SDF4: variants seen among roughly 807,000 people sequenced by gnomAD.
The protein encoded by SDF4 is 45 kDa calcium-binding protein.
In SDF4, 22 loss-of-function variants were observed where a neutral mutation model predicts 34.2. That is an observed-to-expected ratio of 0.64 (90% CI 0.46 to 0.92). The LOEUF (loss-of-function observed/expected upper bound fraction) is 0.92. Among genes scored for constraint, SDF4 ranks in the 40% least tolerant of loss-of-function variants. The pLI is 0.00. For missense variants in SDF4, 447 were observed against 499.9 expected (o/e 0.89, Z 1.01); for synonymous variants, 236 against 203.1 (o/e 1.16, Z -1.38).
rs776109419 is a variant in SDF4, at chr1:1,218,998, G to A, written c.557-71C>T. Reference sequence around the variant, plus strand: ...CACGCAAATCCAGAAAGTTCCGAGAGGTGCTGCCTGAACTCGAGGGACACA... The same window carrying A: ...CACGCAAATCCAGAAAGTTCCGAGAAGTGCTGCCTGAACTCGAGGGACACA... On this transcript the variant is annotated intron_variant, in intron 4 of 6. Coordinates refer to ENST00000360001, the MANE Select transcript of SDF4 (RefSeq NM_016176.6). This position sits in a 1 kb window ranked among gnomAD's most constrained non-coding sequence, Gnocchi z 7.9. 1.2e-6 allele frequency: 2 copies of A among 1,612,076 alleles called. No individual in the cohort carries two copies. The highest frequency in any genetic ancestry group is 3.3e-5 in the Admixed American group (2 of 59,962).
intron 2 of SDF4, 66 bp downstream of exon 2, chr1:1,228,402 A>G: frequency 6.7e-7 from 1 of 1,487,692 alleles, no homozygotes; most frequent in Non-Finnish European, 9.0e-7. Context: ...GCGCAAAGCC[A>G]GGATAGGAAC....
chr1:1,218,600 T>A lies in SDF4; in HGVS notation c.749A>T (p.Glu250Val). The A allele has an allele frequency of 6.2e-7, 1 of 1,613,974 alleles. No individual in the cohort carries two copies. Among genetic ancestry groups the A allele is most frequent in the Non-Finnish European group, 8.5e-7 (1 of 1,179,940 alleles). Residue 250 changes from glutamate to valine, a missense_variant, in exon 6 of 7, where the codon GAG (glutamate) becomes GTG (valine). Glu to Val is a moderately radical substitution (Grantham distance 121). Coordinates refer to ENST00000360001, the MANE Select transcript of SDF4 (RefSeq NM_016176.6). This position sits in a 1 kb window ranked among gnomAD's most constrained non-coding sequence, Gnocchi z 7.9. Reference sequence around the variant, plus strand: ...GGTGCCCACGGGCAGGGAGATGAACTCGGGCACAGAGAGCTGCTTGTCACC... The same window carrying A: ...GGTGCCCACGGGCAGGGAGATGAACACGGGCACAGAGAGCTGCTTGTCACC... ...QDGDKQLSVP[E>V]FISLPVGTVE...
In SDF4 at chr1:1,218,233, G is replaced by A. The variant is rs138109062; in HGVS notation, c.891+225C>T. On this transcript the variant is annotated intron_variant, in intron 6 of 6. Coordinates refer to ENST00000360001, the MANE Select transcript of SDF4 (RefSeq NM_016176.6). This position sits in a 1 kb window ranked among gnomAD's most constrained non-coding sequence, Gnocchi z 7.9. The stretch of plus-strand genomic sequence containing the variant: ...GACGCCTCCGCAAGGGGCTGAGGAT[G>A]GAGCCCGGCCAGGCTCGCCTGTCTC... Among the ~76,000 whole-genome samples the A allele has an allele frequency of 2.6e-4, 39 of 152,342 alleles. No homozygotes were observed. Among genetic ancestry groups the A allele is most frequent in the African/African-American group, 7.7e-4 (32 of 41,584 alleles).
Position 1,217,882 on chromosome 1 carries a change from C to CG in SDF4, c.892-195dup, listed in dbSNP as rs1649623927. Reference sequence around the variant, plus strand: ...AGCCGGGGGCCCCGGAAGGCCTGCCCGGGGCCAGCAGGGGTAACGGGGCAC... The same window carrying CG: ...AGCCGGGGGCCCCGGAAGGCCTGCCCGGGGGCCAGCAGGGGTAACGGGGCAC... On this transcript the variant is annotated intron_variant, in intron 6 of 6. Transcript: ENST00000360001. The surrounding 1 kb of genome is among the most constrained non-coding windows in gnomAD (Gnocchi z 8.5). The CG allele has an allele frequency of 2.8e-6, 4 of 1,438,848 alleles. No homozygotes were observed. The South Asian group carries it at 5.7e-5, about 20-fold the overall frequency. 89.1% of individuals were successfully genotyped at this position (1,438,848 alleles called of 1,614,324 possible).
At chr1:1,225,628 G>C (rs1638280272) in intron 2 of SDF4, among the ~76,000 whole-genome samples, 1 of 152,312 alleles carries the variant, frequency 6.6e-6, no homozygotes, top group African/African-American at 2.4e-5. Context: ...GTGGCAGGTG[G>C]GGCACCTGGT....
At chr1:1,222,230 C>G (rs1570480496) in intron 4 of SDF4, among the ~76,000 whole-genome samples, 1 of 152,358 alleles carries the variant, frequency 6.6e-6, no homozygotes, top group East Asian at 1.9e-4. Flanking sequence ...ACACGGAGCC[C>G]CAGGGTGGCA....
At position 1,218,127 on chromosome 1, in the gene SDF4, T is replaced by C. The variant is rs1570473779; in HGVS notation, c.891+331A>G. Among the ~76,000 whole-genome samples, 2 of 152,240 alleles carry C rather than the reference T, an allele frequency of 1.3e-5. No homozygotes were observed. The highest frequency in any genetic ancestry group is 4.1e-4 in the South Asian group (2 of 4,836). ...GGCCGCCCCGCCCACCTGCACCTGCTGGGCCTTGGACCTGCCTCCATGCTG... is the reference window on the plus strand; with the variant it reads ...GGCCGCCCCGCCCACCTGCACCTGCCGGGCCTTGGACCTGCCTCCATGCTG... On this transcript the variant is annotated intron_variant, in intron 6 of 6. Transcript: ENST00000360001. The surrounding 1 kb of genome is among the most constrained non-coding windows in gnomAD (Gnocchi z 7.9).
rs1292181622 is a variant in SDF4, at chr1:1,228,654, C to G, written c.119G>C (p.Arg40Thr). The G allele has an allele frequency of 1.2e-6, 2 of 1,613,090 alleles. No homozygotes were observed. Among genetic ancestry groups the G allele is most frequent in the African/African-American group, 2.7e-5 (2 of 74,956 alleles). Residue 40 changes from arginine (R) to threonine (T), a missense_variant, in exon 2 of 7, where the codon AGA (arginine) becomes ACA (threonine). Coordinates refer to ENST00000360001, the MANE Select transcript of SDF4 (RefSeq NM_016176.6). The part of the protein sequence containing the change: ...RPANHSSTRE[R>T]VANREENEIL... ...CTCATTCTCCTCCCTGTTGGCTACTCTCTCTCGAGTGGACGAGTGGTTGGC... is the reference window on the plus strand; with the variant it reads ...CTCATTCTCCTCCCTGTTGGCTACTGTCTCTCGAGTGGACGAGTGGTTGGC...
At position 1,217,729 on chromosome 1, in the gene SDF4, C is replaced by G. The variant is rs2100964479; in HGVS notation, c.892-41G>C. On this transcript the variant is annotated intron_variant, in intron 6 of 6. Coordinates refer to ENST00000360001, the MANE Select transcript of SDF4 (RefSeq NM_016176.6). This position sits in a 1 kb window ranked among gnomAD's most constrained non-coding sequence, Gnocchi z 8.5. ...GCACAGGTCAGCGTCGCCTTTCCCC[C>G]TCCGAGCTCCGCGGCCAGCCGCACG... The G allele has an allele frequency of 6.2e-7, 1 of 1,611,484 alleles. No individual in the cohort carries two copies.
chr1:1,226,617 C>T (rs1254202219), intron 2 of SDF4, among the ~76,000 whole-genome samples: 1 of 149,726 alleles, frequency 6.7e-6, no homozygotes, highest in East Asian at 2.0e-4. Flanking sequence ...AAGGGACCCG[C>T]GTGTGGGAAG....
intron 4 of SDF4, chr1:1,220,619 T>C (rs1432384617): frequency 1.6e-6 from 2 of 1,289,022 alleles, no homozygotes; most frequent in Non-Finnish European, 2.0e-6. Context: ...TCAGCATGCA[T>C]GGGGACCCCC....
At chr1:1,219,209 C>T in intron 4 of SDF4, 1 of 1,256,596 alleles carries the variant, frequency 8.0e-7, no homozygotes. Context: ...CTGGACCCCC[C>T]CCTGCCCCAG....
At chr1:1,221,491 T>G (rs939096343) in intron 4 of SDF4, 7 of 152,166 alleles carry the variant, frequency 4.6e-5, no homozygotes, top group African/African-American at 1.7e-4. Flanking sequence ...TCACATGATA[T>G]GGGCCGTTCC....
intron 4 of SDF4, chr1:1,220,574 G>A: frequency 7.8e-7 from 1 of 1,283,028 alleles, no homozygotes; most frequent in Non-Finnish European, 1.0e-6. Context: ...GGGAGGCCAA[G>A]ACGGATCGGA....
At chr1:1,220,466 G>A (rs371989642) in intron 4 of SDF4, 160 of 1,188,606 alleles carry the variant, frequency 1.3e-4, no homozygotes, top group Middle Eastern at 3.9e-4. Context: ...GCCTGCCAGC[G>A]CTTCCCAGGC....
chr1:1,217,604 G>A lies in SDF4; in HGVS notation c.976C>T (p.His326Tyr), dbSNP rs757290949. Residue 326 changes from histidine to tyrosine, a missense_variant, in exon 7 of 7, where the codon CAC becomes TAC. By Grantham distance (83) the His-to-Tyr change is moderately conservative. Transcript: ENST00000360001. This position sits in a 1 kb window ranked among gnomAD's most constrained non-coding sequence, Gnocchi z 8.5. ...TTGAGCACCTCCTCGGGCTCCAGGT[G>A]GTGGTTCTGGTTCTCGTCGGCGACG... ...IAVADENQNH[H>Y]LEPEEVLKYS... 9.3e-6 allele frequency: 15 copies of A among 1,613,802 alleles called. No homozygotes were observed. Among genetic ancestry groups the A allele is most frequent in the Non-Finnish European group, 1.3e-5 (15 of 1,179,946 alleles).
Position 1,217,662 on chromosome 1 carries a change from G to A in SDF4, c.918C>T (p.Tyr306=), listed in dbSNP as rs1649601811. ...TCTGCTTGGCCTCGTTCAGCGCGTT[G>A]TACTCGTTCATGGGGTCCATGTAGC... The part of the protein sequence containing the change: ...LESYMDPMNE[Y]NALNEAKQMI... The change falls in exon 7 of 7, where the codon TAC becomes TAT. Residue 306 remains tyrosine, a synonymous_variant. Coordinates refer to ENST00000360001, the MANE Select transcript of SDF4 (RefSeq NM_016176.6). The surrounding 1 kb of genome is among the most constrained non-coding windows in gnomAD (Gnocchi z 8.5). The A allele has an allele frequency of 1.2e-6, 2 of 1,613,760 alleles. No homozygotes were observed. The highest frequency in any genetic ancestry group is 1.7e-6 in the Non-Finnish European group (2 of 1,179,968).
chr1:1,227,812 C>T (rs180937351), intron 2 of SDF4, among the ~76,000 whole-genome samples: 6 of 152,224 alleles, frequency 3.9e-5, no homozygotes, highest in South Asian at 4.1e-4. Flanking sequence ...GGGATGGGGT[C>T]GGGGGAGAAA....
intron 4 of SDF4, chr1:1,221,238 G>A (rs1388066108): frequency 3.6e-5 from 6 of 165,634 alleles, no homozygotes; most frequent in Admixed American, 2.4e-4. Context: ...AGGCACAGGG[G>A]CTCATGCCTG....
Sources: allele counts gnomAD v4.1 joint callset (sites outside exome capture counted in the v4.1 genomes callset), GRCh38; gene constraint gnomAD v4.1.1; non-coding constraint Gnocchi (gnomAD v3.1); transcripts MANE v1.5; gene names NCBI Gene and HGNC (gene_info 2026-07-23, HGNC 2026-07-21).